BNC2: variants seen among roughly 807,000 people sequenced by gnomAD.
BNC2 encodes the protein basonuclin zinc finger protein 2, also known as zinc finger protein basonuclin-2.
BNC2 carries 20 observed loss-of-function variants against 76.3 expected under a neutral mutation model. The ratio of observed to expected loss-of-function variants is 0.26; its 90% CI spans 0.18 to 0.38. BNC2 has a LOEUF of 0.38. Among genes scored for constraint, BNC2 ranks in the 10% least tolerant of loss-of-function variants. The pLI is 1.00. For missense variants in BNC2, 1,382 were observed against 1,399.8 expected (o/e 0.99, Z 0.20); for synonymous variants, 582 against 514.8 (o/e 1.13, Z -1.77).
At chr9:16,496,200 C>A (rs979735870) in intron 5 of BNC2, among the ~76,000 whole-genome samples, 1 of 152,044 alleles carries the variant, frequency 6.6e-6, no homozygotes, top group Non-Finnish European at 1.5e-5. Flanking sequence ...TGAGCCACTG[C>A]ACCCAGCCCT....
chr9:16,523,126 G>A (rs1817672680), intron 5 of BNC2, among the ~76,000 whole-genome samples: 2 of 152,152 alleles, frequency 1.3e-5, no homozygotes, highest in South Asian at 4.1e-4. Flanking sequence ...TTTCAAAGCG[G>A]TATCAATGAA....
At chr9:16,688,799 G>C (rs1292664122) in intron 3 of BNC2, among the ~76,000 whole-genome samples, 1 of 152,188 alleles carries the variant, frequency 6.6e-6, no homozygotes, top group South Asian at 2.1e-4. Context: ...CATTATCTTA[G>C]TACTGTAACA....
chr9:16,625,055 A>G (rs1193641326), intron 3 of BNC2, among the ~76,000 whole-genome samples: 1 of 152,234 alleles, frequency 6.6e-6, no homozygotes, highest in Non-Finnish European at 1.5e-5. Flanking sequence ...TCAATAACTA[A>G]GTGGTAATTG....
chr9:16,751,698 A>ATATATATGTATGTGTG (rs1563927032), intron 1 of BNC2, among the ~76,000 whole-genome samples: 2 of 140,278 alleles, frequency 1.4e-5, no homozygotes. Flanking sequence ...GTGTGTATAT[A>ATATATATGTATGTGTG]TATATATATG....
chr9:16,762,036 A>G (rs10962572), intron 1 of BNC2, among the ~76,000 whole-genome samples: 69,673 of 151,716 alleles, frequency 0.46, 21,107 homozygotes, highest in Non-Finnish European at 0.69. Flanking sequence ...AGTCACCAAC[A>G]TCAGCTTCAG....
chr9:16,853,543 C>G (rs1442161685), intron 1 of BNC2, among the ~76,000 whole-genome samples: 2 of 152,136 alleles, frequency 1.3e-5, no homozygotes, highest in Non-Finnish European at 2.9e-5. Flanking sequence ...CCTCCCCTCA[C>G]TTTATTTTCA....
chr9:16,431,255 G>A (rs182715670), intron 6 of BNC2: 2 of 263,782 alleles, frequency 7.6e-6, no homozygotes, highest in African/African-American at 2.2e-5. Flanking sequence ...CAGAACAGAG[G>A]GTATTTGTTA....
intron 3 of BNC2, among the ~76,000 whole-genome samples, chr9:16,660,449 C>T (rs1822078189): frequency 7.0e-6 from 1 of 143,258 alleles, no homozygotes; most frequent in Non-Finnish European, 1.5e-5. Flanking sequence ...AGCGAAAGTC[C>T]ATCTCAAAAA....
At chr9:16,768,154 C>A (rs887162484) in intron 1 of BNC2, among the ~76,000 whole-genome samples, 2 of 151,694 alleles carry the variant, frequency 1.3e-5, no homozygotes, top group African/African-American at 2.4e-5. Flanking sequence ...TTAGTAAAGT[C>A]GGGGTTTCAC....
At chr9:16,652,174 A>G (rs1821811918) in intron 3 of BNC2, among the ~76,000 whole-genome samples, 1 of 152,242 alleles carries the variant, frequency 6.6e-6, no homozygotes, top group South Asian at 2.1e-4. Context: ...CCCAACAAAG[A>G]GAAACAAGAA....
chr9:16,498,259 T>A (rs1018151225), intron 5 of BNC2, among the ~76,000 whole-genome samples: 1 of 119,574 alleles, frequency 8.4e-6, no homozygotes, highest in Non-Finnish European at 1.9e-5. Flanking sequence ...ATATATTCCA[T>A]CATATATATA....
At chr9:16,664,223 C>T (rs772136209) in intron 3 of BNC2, among the ~76,000 whole-genome samples, 18 of 152,134 alleles carry the variant, frequency 1.2e-4, no homozygotes, top group Admixed American at 3.3e-4. Flanking sequence ...TATTGATTTC[C>T]TAAACATACT....
rs1331693666 is a variant in BNC2, at chr9:16,436,388, C to T, written c.1806G>A (p.Glu602=). The change falls in exon 6 of 7, where the codon GAG becomes GAA. Residue 602 remains glutamate (E), a synonymous_variant. Transcript: ENST00000380672. ...GCTCAGAGGGTGGCGGGGGGTGCTG[C>T]TCTATGGTACCACTGGTTGGAATGA... ...SPIIPTSGTI[E]QHPPPPSEPV... 6 of 1,614,072 alleles carry T rather than the reference C, an allele frequency of 3.7e-6. No individual in the cohort carries two copies. Among genetic ancestry groups the T allele is most frequent in the Non-Finnish European group, 5.1e-6 (6 of 1,180,018 alleles).
intron 5 of BNC2, among the ~76,000 whole-genome samples, chr9:16,529,757 C>T (rs1817919017): frequency 6.6e-6 from 1 of 152,098 alleles, no homozygotes; most frequent in Non-Finnish European, 1.5e-5. Context: ...CATCCTTAAT[C>T]CAACCTTCTA....
chr9:16,646,452 CACA>C (rs1821628465), intron 3 of BNC2, among the ~76,000 whole-genome samples: 2 of 152,046 alleles, frequency 1.3e-5, no homozygotes, highest in South Asian at 2.1e-4. Flanking sequence ...TACTAATACA[CACA>C]ACAATATGAG....
chr9:16,714,111 G>A (rs1157918616), intron 3 of BNC2, among the ~76,000 whole-genome samples: 1 of 152,128 alleles, frequency 6.6e-6, no homozygotes, highest in Non-Finnish European at 1.5e-5. Flanking sequence ...ACTAATTTCG[G>A]TTTACTGTAG....
intron 5 of BNC2, among the ~76,000 whole-genome samples, chr9:16,504,717 C>T (rs1822590178): frequency 6.6e-6 from 1 of 152,164 alleles, no homozygotes; most frequent in Admixed American, 6.5e-5. Context: ...CACAGTAGGA[C>T]ATGCCTATAG....
At chr9:16,763,258 C>T (rs1343462495) in intron 1 of BNC2, among the ~76,000 whole-genome samples, 2 of 152,082 alleles carry the variant, frequency 1.3e-5, no homozygotes, top group African/African-American at 2.4e-5. Flanking sequence ...CATACCCCCA[C>T]AAAATAGTAC....
intron 5 of BNC2, among the ~76,000 whole-genome samples, chr9:16,448,477 T>C (rs1269629773): frequency 6.6e-6 from 1 of 152,166 alleles, no homozygotes; most frequent in Admixed American, 6.6e-5. Flanking sequence ...GGTATAGAAC[T>C]TCCAAAGCTT....
Sources: gnomAD v4.1 joint callset for allele counts (sites outside exome capture counted in the v4.1 genomes callset) on GRCh38, gnomAD v4.1.1 for gene constraint, MANE v1.5 for transcripts, NCBI Gene and HGNC (gene_info 2026-07-23, HGNC 2026-07-21) for gene names.